The following RPS6KA2 variants were observed in gnomAD, a reference collection of about 807,000 sequenced individuals.
The protein encoded by RPS6KA2 is ribosomal protein S6 kinase alpha-2.
RPS6KA2 carries 42 observed loss-of-function variants against 91.8 expected under a neutral mutation model. The observed-to-expected ratio is 0.46, with a 90% CI of 0.36 to 0.59. The LOEUF (loss-of-function observed/expected upper bound fraction) is 0.59. RPS6KA2 is among the 20% of genes least tolerant of loss of function. The pLI is 0.00. For missense variants in RPS6KA2, 798 were observed against 978.5 expected (o/e 0.82, Z 2.46); for synonymous variants, 414 against 393.6 (o/e 1.05, Z -0.61).
At chr6:166,640,817 G>A (rs10223606) in intron 2 of RPS6KA2, among the ~76,000 whole-genome samples, 1 of 149,318 alleles carries the variant, frequency 6.7e-6, no homozygotes, top group Non-Finnish European at 1.5e-5. Context: ...AGCAGGGTGT[G>A]GGGGGTCGGA....
intron 2 of RPS6KA2, among the ~76,000 whole-genome samples, chr6:166,773,589 A>G (rs945633694): frequency 8.6e-5 from 13 of 151,834 alleles, no homozygotes; most frequent in Admixed American, 2.6e-4. Context: ...TTTAGCGGAG[A>G]CAGGGTTTCA....
At chr6:166,427,915 A>G (rs546469651) in intron 16 of RPS6KA2, among the ~76,000 whole-genome samples, 168 of 152,290 alleles carry the variant, frequency 1.1e-3, no homozygotes, top group African/African-American at 3.9e-3. Flanking sequence ...CGATCAAGCT[A>G]CCAATGACTT....
chr6:166,765,431 G>A lies in RPS6KA2; in HGVS notation c.123+92769C>T, dbSNP rs558180075. Among the ~76,000 whole-genome samples the A allele has an allele frequency of 3.9e-5, 6 of 152,334 alleles. No individual in the cohort carries two copies. The South Asian group carries it at 6.2e-4, about 16-fold the overall frequency. Reference sequence around the variant, plus strand: ...CCCACCTCCAAGATCCCTGCTGCCCGCTTAGTGTGGGGTGACATAGGTTCC... The same window carrying A: ...CCCACCTCCAAGATCCCTGCTGCCCACTTAGTGTGGGGTGACATAGGTTCC... On this transcript the variant is annotated intron_variant, in intron 2 of 21. Transcript: ENST00000503859.
chr6:166,727,521 T>C (rs983682813), intron 2 of RPS6KA2, among the ~76,000 whole-genome samples: 1 of 151,900 alleles, frequency 6.6e-6, no homozygotes, highest in African/African-American at 2.4e-5. Flanking sequence ...CACTGTAATG[T>C]GCCAGCACCC....
chr6:166,580,262 C>T (rs1784963035), intron 1 of RPS6KA2, among the ~76,000 whole-genome samples: 1 of 152,226 alleles, frequency 6.6e-6, no homozygotes, highest in South Asian at 2.1e-4. Flanking sequence ...TGAGGGCCGG[C>T]AAAGGTAGAA....
intron 3 of RPS6KA2, among the ~76,000 whole-genome samples, chr6:166,512,482 G>A (rs1782505100): frequency 6.6e-6 from 1 of 152,190 alleles, no homozygotes; most frequent in Non-Finnish European, 1.5e-5. Flanking sequence ...CAGTTAAAAA[G>A]AGAAAGTCCT....
Position 166,409,909 on chromosome 6 carries a change from A to G in RPS6KA2, c.*2853T>C, listed in dbSNP as rs1439646859. 1 of 152,416 alleles carries G rather than the reference A, an allele frequency of 6.6e-6. No individual in the cohort carries two copies. The highest frequency in any genetic ancestry group is 1.5e-5 in the Non-Finnish European group (1 of 68,048). 9.4% of individuals were successfully genotyped at this position (152,416 alleles called of 1,614,324 possible). On this transcript the variant is annotated 3_prime_UTR_variant, in exon 21 of 21. Coordinates refer to ENST00000265678, the MANE Select transcript of RPS6KA2 (RefSeq NM_021135.6). ...CAAACAATCTTCCAAACATCAATACATACACAGTTAGTTTAAAATCACAGA... is the reference window on the plus strand; with the variant it reads ...CAAACAATCTTCCAAACATCAATACGTACACAGTTAGTTTAAAATCACAGA...
chr6:166,534,167 A>AGCCGAGATTCAGCCACTGCAGTCC (rs1783395400), intron 2 of RPS6KA2, among the ~76,000 whole-genome samples: 1 of 138,906 alleles, frequency 7.2e-6, no homozygotes, highest in Admixed American at 8.1e-5. Context: ...GCTTGCAGTG[A>AGCCGAGATTCAGCCACTGCAGTCC]GCCGAGATTC....
At chr6:166,827,089 G>A (rs546531354) in intron 2 of RPS6KA2, among the ~76,000 whole-genome samples, 2 of 152,124 alleles carry the variant, frequency 1.3e-5, no homozygotes, top group African/African-American at 4.8e-5. Context: ...AAGTTGTAAA[G>A]GTTGTTAAAG....
chr6:166,755,895 C>T (rs185259260), intron 2 of RPS6KA2, among the ~76,000 whole-genome samples: 13 of 152,270 alleles, frequency 8.5e-5, no homozygotes, highest in Non-Finnish European at 2.9e-5. Flanking sequence ...GTGCTTGTCA[C>T]GTGTGGATAA....
At chr6:166,837,130 G>A (rs1412456426) in intron 2 of RPS6KA2, among the ~76,000 whole-genome samples, 1 of 152,208 alleles carries the variant, frequency 6.6e-6, no homozygotes, top group Non-Finnish European at 1.5e-5. Context: ...TTGCTGGGAG[G>A]TGCGTGGTGA....
intron 2 of RPS6KA2, among the ~76,000 whole-genome samples, chr6:166,704,131 A>G (rs1789611458): frequency 6.6e-6 from 1 of 152,206 alleles, no homozygotes; most frequent in Non-Finnish European, 1.5e-5. Flanking sequence ...CTCCCCTCCA[A>G]ATTAGGACAA....
chr6:166,702,241 C>T (rs958042535), intron 2 of RPS6KA2: 3 of 1,612,646 alleles, frequency 1.9e-6, no homozygotes, highest in South Asian at 1.1e-5. Flanking sequence ...GGCACAGAGG[C>T]AAATCACATG....
intron 3 of RPS6KA2, among the ~76,000 whole-genome samples, chr6:166,527,809 G>A (rs568337295): frequency 1.9e-4 from 29 of 152,314 alleles, no homozygotes; most frequent in African/African-American, 6.0e-4. Context: ...TAACCCGTGC[G>A]GCTTGGTGCC....
intron 2 of RPS6KA2, among the ~76,000 whole-genome samples, chr6:166,673,438 G>A (rs1265346510): frequency 3.3e-5 from 5 of 152,222 alleles, no homozygotes; most frequent in Non-Finnish European, 5.9e-5. Context: ...GGACCCTGGA[G>A]GAGAAATGAC....
Position 166,681,595 on chromosome 6 carries a change from G to C in RPS6KA2, c.124-142811C>G, listed in dbSNP as rs938217770. 3.3e-5 allele frequency among the ~76,000 whole-genome samples: 5 copies of C among 151,762 alleles called. No individual in the cohort carries two copies. In the East Asian group the frequency reaches 9.7e-4, roughly 29 times the overall value. On this transcript the variant is annotated intron_variant, in intron 2 of 21. Coordinates refer to the RPS6KA2 transcript ENST00000503859. ...TTGCACCAGGATTCTGTGCCCCGAA[G>C]GGAAAACTGTTCCTGGTGATTCCCG...
chr6:166,516,066 C>T (rs921618953), intron 3 of RPS6KA2, among the ~76,000 whole-genome samples: 6 of 152,222 alleles, frequency 3.9e-5, no homozygotes, highest in Non-Finnish European at 5.9e-5. Flanking sequence ...CAAAACCAAA[C>T]GGTCCCCTGA....
intron 2 of RPS6KA2, among the ~76,000 whole-genome samples, chr6:166,673,827 C>T (rs1188537609): frequency 1.3e-5 from 2 of 152,180 alleles, no homozygotes; most frequent in East Asian, 1.9e-4. Context: ...CTAAGCTTGC[C>T]GTAAGACATG....
chr6:166,552,154 G>T (rs1784040219), intron 1 of RPS6KA2, among the ~76,000 whole-genome samples: 1 of 152,212 alleles, frequency 6.6e-6, no homozygotes, highest in Non-Finnish European at 1.5e-5. Flanking sequence ...GAACTCAGGG[G>T]CTGTGCATGG....
Sources: allele counts gnomAD v4.1 joint callset (sites outside exome capture counted in the v4.1 genomes callset), GRCh38; gene constraint gnomAD v4.1.1; transcripts MANE v1.5; gene names NCBI Gene and HGNC (gene_info 2026-07-23, HGNC 2026-07-21).